Variants in ESR1 observed in about 807,000 individuals in gnomAD.
The protein encoded by ESR1 is estrogen receptor.
In ESR1, 12 loss-of-function variants were observed where a neutral mutation model predicts 52.7. The ratio of observed to expected loss-of-function variants is 0.23; its 90% CI spans 0.15 to 0.37. The LOEUF (loss-of-function observed/expected upper bound fraction) is 0.37. Among genes scored for constraint, ESR1 ranks in the 10% least tolerant of loss-of-function variants. The pLI is 1.00. For missense variants in ESR1, 584 were observed against 779.7 expected (o/e 0.75, Z 2.99); for synonymous variants, 305 against 316.8 (o/e 0.96, Z 0.39).
chr6:151,942,184 A>G (rs1015613074), intron 3 of ESR1, among the ~76,000 whole-genome samples: 11 of 152,260 alleles, frequency 7.2e-5, no homozygotes, highest in Non-Finnish European at 7.3e-5. Context: ...ATGGCTGGTC[A>G]GGTGCCATTG....
Position 151,701,529 on chromosome 6 carries a change from C to CAAA in ESR1, c.-201-325_-201-323dup, listed in dbSNP as rs57589542. ...GGGTGGCAAGAGCGACACTACATCT[C>CAAA]AAAAAAAAAAAAAAAAAAAAAAAGA... On this transcript the variant is annotated intron_variant, in intron 1 of 2. Transcript: ENST00000404742. Among the ~76,000 whole-genome samples the CAAA allele has an allele frequency of 1.8e-3, 161 of 88,650 alleles. 1 individual carries two copies. Among genetic ancestry groups the CAAA allele is most frequent in the African/African-American group, 4.0e-3 (85 of 21,124 alleles). 58.2% of individuals were successfully genotyped at this position (88,650 alleles called of 152,430 possible).
intron 6 of ESR1, among the ~76,000 whole-genome samples, chr6:152,063,286 A>G (rs901581557): frequency 6.6e-6 from 1 of 152,216 alleles, no homozygotes; most frequent in Non-Finnish European, 1.5e-5. Flanking sequence ...GTATGCTGAC[A>G]TAGTTTATAG....
At chr6:151,783,258 A>G (rs1786716939) in intron 2 of ESR1, among the ~76,000 whole-genome samples, 1 of 152,192 alleles carries the variant, frequency 6.6e-6, no homozygotes, top group Non-Finnish European at 1.5e-5. Context: ...ATTGATCCCC[A>G]TAAGGGATCA....
At chr6:151,777,742 C>A (rs1786147357) in intron 2 of ESR1, among the ~76,000 whole-genome samples, 1 of 152,010 alleles carries the variant, frequency 6.6e-6, no homozygotes, top group Non-Finnish European at 1.5e-5. Context: ...GTTGGATCAC[C>A]TGAGGTCAGG....
intron 4 of ESR1, among the ~76,000 whole-genome samples, chr6:152,000,480 A>C (rs1387748284): frequency 6.6e-6 from 1 of 152,072 alleles, no homozygotes; most frequent in Non-Finnish European, 1.5e-5. Flanking sequence ...TAAATATGAT[A>C]TCTAATTAGC....
upstream of ESR1, among the ~76,000 whole-genome samples, chr6:151,800,376 G>T (rs1777117429): frequency 6.6e-6 from 1 of 152,060 alleles, no homozygotes; most frequent in African/African-American, 2.4e-5. Context: ...TGGGGGCAGA[G>T]GTTTTTGTTC....
chr6:151,676,388 C>T, intron 1 of ESR1, among the ~76,000 whole-genome samples: 1 of 152,162 alleles, frequency 6.6e-6, no homozygotes, highest in Non-Finnish European at 1.5e-5. Context: ...ATGGAGAACA[C>T]TCAACAATTT....
intron 5 of ESR1, among the ~76,000 whole-genome samples, chr6:152,035,782 A>T (rs902470780): frequency 1.3e-5 from 2 of 152,234 alleles, no homozygotes; most frequent in African/African-American, 4.8e-5. Context: ...AAACTGACCT[A>T]TATCAGAACG....
intron 2 of ESR1, among the ~76,000 whole-genome samples, chr6:151,877,294 C>T (rs1487293092): frequency 6.6e-6 from 1 of 152,030 alleles, no homozygotes. Flanking sequence ...CACATATTGA[C>T]CAAGTTACAC....
At chr6:151,857,629 A>G (rs1797150555) in intron 2 of ESR1, among the ~76,000 whole-genome samples, 1 of 152,052 alleles carries the variant, frequency 6.6e-6, no homozygotes, top group African/African-American at 2.4e-5. Context: ...CCCGGGTTCA[A>G]GTGATTCTCC....
intron 1 of ESR1, among the ~76,000 whole-genome samples, chr6:151,833,924 G>A (rs1385055930): frequency 6.6e-6 from 1 of 152,134 alleles, no homozygotes; most frequent in Non-Finnish European, 1.5e-5. Flanking sequence ...AACCATTTAT[G>A]CAGCCAACAA....
At chr6:152,000,892 C>T (rs1030091591) in intron 4 of ESR1, among the ~76,000 whole-genome samples, 18 of 152,004 alleles carry the variant, frequency 1.2e-4, no homozygotes, top group Non-Finnish European at 2.2e-4. Flanking sequence ...ATTTTTACTA[C>T]TAAATGTAAG....
chr6:151,917,410 TTTG>T (rs1004861416), intron 3 of ESR1, among the ~76,000 whole-genome samples: 3 of 152,162 alleles, frequency 2.0e-5, no homozygotes, highest in African/African-American at 7.2e-5. Flanking sequence ...GCCCATAAAT[TTTG>T]TTATTAATAA....
chr6:152,015,351 G>A (rs2043091057), intron 5 of ESR1, among the ~76,000 whole-genome samples: 2 of 152,102 alleles, frequency 1.3e-5, no homozygotes. Context: ...CTCCTCTTCA[G>A]CCTTTATATA....
At chr6:151,721,684 A>C (rs377463300) in intron 2 of ESR1, among the ~76,000 whole-genome samples, 1 of 152,202 alleles carries the variant, frequency 6.6e-6, no homozygotes, top group Admixed American at 6.5e-5. Context: ...AGCATGCCCA[A>C]AGCTGGGAGA....
Position 151,807,994 on chromosome 6 carries a change from C to A in ESR1, c.82C>A (p.Arg28Ser). ...IQGNELEPLN[R>S]PQLKIPLERP... ...AGGGAACGAGCTGGAGCCCCTGAAC[C>A]GTCCGCAGCTCAAGATCCCCCTGGA... Residue 28 changes from arginine (R) to serine (S), a missense_variant, in exon 1 of 8, where the codon CGT becomes AGT. Physicochemically the swap from Arg to Ser is moderately radical, Grantham distance 110. Around this residue, in one of 6 missense-constraint regions of ESR1, gnomAD observed 251 missense variants for 246.1 expected, o/e 1.02. Transcript: ENST00000206249. The A allele has an allele frequency of 6.2e-7, 1 of 1,613,954 alleles. No homozygotes were observed. The highest frequency in any genetic ancestry group is 8.5e-7 in the Non-Finnish European group (1 of 1,179,978).
chr6:151,690,125 A>G (rs1040639833), upstream of ESR1, among the ~76,000 whole-genome samples: 1 of 152,164 alleles, frequency 6.6e-6, no homozygotes, highest in African/African-American at 2.4e-5. Context: ...AGTCCCAAAA[A>G]ACACTCACAG....
chr6:152,014,773 C>A (rs578222681), intron 5 of ESR1, among the ~76,000 whole-genome samples: 54 of 152,264 alleles, frequency 3.5e-4, no homozygotes, highest in Admixed American at 2.2e-3. Flanking sequence ...GGTCCTGCTA[C>A]TCTTTCTTTC....
At chr6:151,872,257 G>T (rs1791101901) in intron 2 of ESR1, among the ~76,000 whole-genome samples, 2 of 152,120 alleles carry the variant, frequency 1.3e-5, no homozygotes, top group African/African-American at 2.4e-5. Flanking sequence ...ATATCAACAG[G>T]TTTTAAATTG....
Sources: gnomAD v4.1 joint callset for allele counts (sites outside exome capture counted in the v4.1 genomes callset) on GRCh38, gnomAD v4.1.1 for gene constraint, gnomAD v4.1.1 regional missense constraint, MANE v1.5 for transcripts, NCBI Gene and HGNC (gene_info 2026-07-23, HGNC 2026-07-21) for gene names.